The following NPIPB11 variants were observed in gnomAD, a reference collection of about 807,000 sequenced individuals.
The protein encoded by NPIPB11 is nuclear pore complex interacting protein family member B11, also known as nuclear pore complex-interacting protein family member B11.
NPIPB11 carries 17 observed loss-of-function variants against 32.8 expected under a neutral mutation model. That is an observed-to-expected ratio of 0.52 (90% CI 0.35 to 0.78). The LOEUF (loss-of-function observed/expected upper bound fraction) is 0.78, where lower values mean the gene tolerates loss of function less well. Among genes scored for constraint, NPIPB11 ranks in the 30% least tolerant of loss-of-function variants. The probability of loss-of-function intolerance (pLI) is 0.01; values close to 1 mark genes in which losing one functional copy is unlikely to be tolerated. For missense variants in NPIPB11, 537 were observed against 1,000.4 expected, an observed-to-expected ratio of 0.54 and a Z score of 6.25; for synonymous variants, 209 against 398.4, an observed-to-expected ratio of 0.52 and a Z score of 5.66.
At chr16:29,397,572 A>G (rs1467535620) in intron 2 of NPIPB11, 10 of 1,520,520 alleles carry the variant, frequency 6.6e-6, no homozygotes, top group Non-Finnish European at 8.0e-6. Flanking sequence ...ACTCACACGG[A>G]TGCACTGATG....
At chr16:29,391,679 C>G (rs1963726067) in intron 3 of NPIPB11, among the ~76,000 whole-genome samples, 1 of 152,172 alleles carries the variant, frequency 6.6e-6, no homozygotes, top group South Asian at 2.1e-4. Context: ...CAAATCCCAT[C>G]TCAGATGTCG....
At chr16:29,406,578 G>T (rs1964118215), upstream of NPIPB11, among the ~76,000 whole-genome samples, 1 of 152,180 alleles carries the variant, frequency 6.6e-6, no homozygotes, top group Admixed American at 6.5e-5. Flanking sequence ...GCCATGCCTG[G>T]TGGCACATGC....
intron 5 of NPIPB11, among the ~76,000 whole-genome samples, chr16:29,388,919 G>A (rs28508122): frequency 0.051 from 6,559 of 128,514 alleles, 543 homozygotes; most frequent in East Asian, 0.36. Flanking sequence ...AAATTGGGCC[G>A]GGCACGGTGG....
chr16:29,401,004 C>G (rs1386213960), intron 2 of NPIPB11, among the ~76,000 whole-genome samples: 3 of 152,092 alleles, frequency 2.0e-5, no homozygotes, highest in African/African-American at 2.4e-5. Context: ...CTCTCTAAGA[C>G]CTCTGTGTCC....
chr16:29,399,997 A>G (rs3867588), intron 2 of NPIPB11, among the ~76,000 whole-genome samples: 2 of 151,836 alleles, frequency 1.3e-5, no homozygotes, highest in African/African-American at 4.8e-5. Context: ...CAATCCCTTG[A>G]ACCCAGGAGG....
intron 2 of NPIPB11, among the ~76,000 whole-genome samples, chr16:29,394,456 G>A (rs1362715729): frequency 1.4e-5 from 2 of 144,950 alleles, no homozygotes; most frequent in Admixed American, 7.0e-5. Context: ...TTGAGACAGA[G>A]TTCCGCTCCA....
intron 3 of NPIPB11, among the ~76,000 whole-genome samples, chr16:29,392,050 TTTG>T (rs1423984710): frequency 6.6e-6 from 1 of 152,042 alleles, no homozygotes; most frequent in Non-Finnish European, 1.5e-5. Flanking sequence ...CTTTGTAGAA[TTTG>T]TTTTTTCCTG....
chr16:29,389,970 G>T lies in NPIPB11; in HGVS notation c.516C>A (p.Ile172=), dbSNP rs1305036570. The T allele has an allele frequency of 1.9e-6, 3 of 1,583,170 alleles. No homozygotes were observed. The Admixed American group carries it at 5.3e-5, about 28-fold the overall frequency. ...TTCTGGCGGTCTTCCTCTTTCCATT[G>T]ATTTTGTCATGACGGTTGATTTTCG... The change falls in exon 5 of 8, where the codon ATC becomes ATA. Residue 172 remains isoleucine, a synonymous_variant. Transcript: ENST00000524087.
chr16:29,383,204 T>G, exon 8 of NPIPB11: 1 of 1,567,004 alleles, frequency 6.4e-7, no homozygotes, highest in African/African-American at 1.4e-5. Flanking sequence ...TATTATCATC[T>G]GCTGAGGGTG....
upstream of NPIPB11, among the ~76,000 whole-genome samples, chr16:29,405,310 G>T (rs1171970526): frequency 6.6e-6 from 1 of 151,510 alleles, no homozygotes; most frequent in Non-Finnish European, 1.5e-5. Context: ...TGCCCTCCAA[G>T]ACTGCCAAAT....
chr16:29,392,626 C>T (rs199879216), intron 3 of NPIPB11, among the ~76,000 whole-genome samples: 4,566 of 151,424 alleles, frequency 0.03, 457 homozygotes, highest in East Asian at 0.29. Context: ...AGGGGAATCG[C>T]TTGAAGCCAG....
At chr16:29,390,436 C>T in intron 3 of NPIPB11, 88 bp from the exon 4 acceptor site, 3 of 1,590,212 alleles carry the variant, frequency 1.9e-6, no homozygotes, top group Non-Finnish European at 2.6e-6. Context: ...GCAGGTGGAT[C>T]ACGGGGTCAG....
intron 2 of NPIPB11, among the ~76,000 whole-genome samples, chr16:29,402,674 G>C (rs981653523): frequency 3.4e-5 from 5 of 148,772 alleles, no homozygotes; most frequent in Non-Finnish European, 5.9e-5. Flanking sequence ...CTGCACTCCA[G>C]CCTGGGCGAC....
chr16:29,399,634 T>A (rs1275410085), intron 2 of NPIPB11, among the ~76,000 whole-genome samples: 1 of 150,788 alleles, frequency 6.6e-6, no homozygotes, highest in Non-Finnish European at 1.5e-5. Flanking sequence ...GGAGGCAGAG[T>A]CTGCAGTGAG....
At chr16:29,389,723 C>A (rs1963665092) in intron 5 of NPIPB11, among the ~76,000 whole-genome samples, 1 of 136,656 alleles carries the variant, frequency 7.3e-6, no homozygotes, top group South Asian at 2.6e-4. Context: ...AATGCCAGTA[C>A]TAGCAACTCC....
chr16:29,401,335 A>G (rs904889676), intron 2 of NPIPB11, among the ~76,000 whole-genome samples: 2 of 152,178 alleles, frequency 1.3e-5, no homozygotes. Flanking sequence ...CATCTGGGGT[A>G]ACTGAGGCAG....
In NPIPB11 at chr16:29,382,160, G is replaced by A. The variant is rs1469033054; in HGVS notation, c.2772C>T (p.Ala924=). 176 of 494,132 alleles carry A rather than the reference G, an allele frequency of 3.6e-4. 2 individuals carry two copies. The highest frequency in any genetic ancestry group is 2.0e-3 in the South Asian group (95 of 48,712). The allele number at this position is 494,132 out of a possible 1,614,324, so 30.6% of individuals were successfully genotyped here. A position where few individuals can be genotyped will look rare whatever the true frequency, so the allele number is the denominator to read the frequency against. ...GTGGAAGCGGCCCCCGCAGACGCTC[G>A]GCAGGTGTCTTGATATTATCATCTG... The change falls in exon 8 of 8, where the codon GCC becomes GCT. Residue 924 remains alanine (A), a synonymous_variant. Transcript: ENST00000524087.
At chr16:29,399,571 C>T (rs79309207) in intron 2 of NPIPB11, among the ~76,000 whole-genome samples, 6,322 of 150,138 alleles carry the variant, frequency 0.042, 530 homozygotes, top group East Asian at 0.3. Context: ...TGGTGGTGGG[C>T]GCCTTAGTCC....
At chr16:29,393,700 C>A (rs1963776789) in intron 3 of NPIPB11, among the ~76,000 whole-genome samples, 1 of 151,854 alleles carries the variant, frequency 6.6e-6, no homozygotes, top group South Asian at 2.1e-4. Context: ...ATAAATAGCA[C>A]AAAGGTTAAA....
Sources: allele counts gnomAD v4.1 joint callset (sites outside exome capture counted in the v4.1 genomes callset), GRCh38; gene constraint gnomAD v4.1.1; transcripts MANE v1.5; gene names NCBI Gene and HGNC (gene_info 2026-07-23, HGNC 2026-07-21).